RPTOR: variants seen among roughly 807,000 people sequenced by gnomAD.
RPTOR encodes the protein regulatory associated protein of MTOR complex 1.
In RPTOR, 21 loss-of-function variants were observed where a neutral mutation model predicts 169.9. That is an observed-to-expected ratio of 0.12 (90% CI 0.09 to 0.18). The LOEUF (loss-of-function observed/expected upper bound fraction) is 0.18. Ranked by LOEUF, RPTOR falls within the 10% of genes least tolerant of loss-of-function variation. The probability of loss-of-function intolerance (pLI) is 1.00; values close to 1 mark genes in which losing one functional copy is unlikely to be tolerated. For missense variants in RPTOR, 1,133 were observed against 1,855.9 expected (o/e 0.61, Z 7.16); for synonymous variants, 732 against 753.2 (o/e 0.97, Z 0.46).
At chr17:80,595,845 G>A (rs1347896403) in intron 1 of RPTOR, among the ~76,000 whole-genome samples, 1 of 152,180 alleles carries the variant, frequency 6.6e-6, no homozygotes, top group East Asian at 1.9e-4. Flanking sequence ...GTACTGCCAG[G>A]CTATTTTGAT....
intron 28 of RPTOR, among the ~76,000 whole-genome samples, chr17:80,950,731 G>T (rs1338856445): frequency 6.6e-6 from 1 of 152,132 alleles, no homozygotes; most frequent in Admixed American, 6.5e-5. Flanking sequence ...GAGACAGCTG[G>T]ATGGCCAGCC....
At chr17:80,709,004 G>C (rs974930600) in intron 4 of RPTOR, 1 of 985,594 alleles carries the variant, frequency 1.0e-6, no homozygotes, top group Non-Finnish European at 1.2e-6. Context: ...TCCCGGGTTC[G>C]CAGCTAGCAT....
At chr17:80,559,804 A>G (rs1234303030) in intron 1 of RPTOR, among the ~76,000 whole-genome samples, 3 of 152,226 alleles carry the variant, frequency 2.0e-5, no homozygotes, top group African/African-American at 7.2e-5. Context: ...AATGCACAGA[A>G]GGGAGCCTCG....
At chr17:80,885,238 A>G (rs967154248) in intron 17 of RPTOR, 90 bp downstream of exon 17, 2 of 1,415,240 alleles carry the variant, frequency 1.4e-6, no homozygotes, top group African/African-American at 2.9e-5. Context: ...TGACCACAGC[A>G]GGGAGCACTC....
intron 3 of RPTOR, among the ~76,000 whole-genome samples, chr17:80,694,269 C>T (rs1010118761): frequency 6.6e-6 from 1 of 152,244 alleles, no homozygotes; most frequent in Non-Finnish European, 1.5e-5. Flanking sequence ...CAGGTGACCT[C>T]TTCAAGCCTG....
rs3042670 is a variant in RPTOR, at chr17:80,823,641, T to TCACACA, written c.1136+451_1136+456dup. 9.5e-3 allele frequency: 1,491 copies of TCACACA among 157,068 alleles called. 22 individuals are homozygous for TCACACA. The highest frequency in any genetic ancestry group is 0.032 in the African/African-American group (1,281 of 40,580). The allele number at this position is 157,068 out of a possible 1,614,324, so 9.7% of individuals were successfully genotyped here. On this transcript the variant is annotated intron_variant, in intron 9 of 33. Coordinates refer to ENST00000306801, the MANE Select transcript of RPTOR (RefSeq NM_020761.3). The surrounding 1 kb of genome is among the most constrained non-coding windows in gnomAD (Gnocchi z 4.5). ...ATCAATTAGTTTTTATGCTTATTTC[T>TCACACA]CACACACACACACACACACACACAC...
chr17:80,606,596 T>C, intron 1 of RPTOR, among the ~76,000 whole-genome samples: 1 of 152,190 alleles, frequency 6.6e-6, no homozygotes, highest in East Asian at 1.9e-4. Context: ...TTAAGGATTT[T>C]GGGAGTGGTC....
chr17:80,868,674 G>T (rs1598364807), intron 13 of RPTOR, among the ~76,000 whole-genome samples: 2 of 152,188 alleles, frequency 1.3e-5, no homozygotes, highest in Admixed American at 1.3e-4. Flanking sequence ...GCTTGTACAT[G>T]AATGTTCCTA....
At chr17:80,887,580 ATCCTGAGCCCG>A (rs1196777318) in intron 17 of RPTOR, among the ~76,000 whole-genome samples, 1 of 152,114 alleles carries the variant, frequency 6.6e-6, no homozygotes, top group Non-Finnish European at 1.5e-5. Context: ...CTCAAGGACC[ATCCTGAGCCCG>A]TCCTGAGCCT....
At chr17:80,691,263 G>A (rs924670178) in intron 3 of RPTOR, among the ~76,000 whole-genome samples, 1 of 151,656 alleles carries the variant, frequency 6.6e-6, no homozygotes, top group Non-Finnish European at 1.5e-5. Flanking sequence ...CTAGTAAGGG[G>A]TGTGTGGGTG....
chr17:80,853,472 G>A (rs2067817353), intron 11 of RPTOR, among the ~76,000 whole-genome samples: 1 of 152,294 alleles, frequency 6.6e-6, no homozygotes, highest in South Asian at 2.1e-4. Context: ...TTTGTTTAAT[G>A]TCTGTCTCCC....
At chr17:80,719,378 G>A (rs929159075) in intron 4 of RPTOR, among the ~76,000 whole-genome samples, 3 of 152,142 alleles carry the variant, frequency 2.0e-5, no homozygotes, top group Non-Finnish European at 4.4e-5. Flanking sequence ...AAGCAGTCCT[G>A]TTCAAAATAA....
intron 3 of RPTOR, among the ~76,000 whole-genome samples, chr17:80,654,495 C>T (rs1277671763): frequency 2.0e-5 from 3 of 152,194 alleles, no homozygotes; most frequent in African/African-American, 7.2e-5. Flanking sequence ...TGGGTTGGTT[C>T]TGAGGGAGTG....
At chr17:80,685,613 ATATATATATATATATTTTTTTTTT>A (rs2065934707) in intron 3 of RPTOR, among the ~76,000 whole-genome samples, 1 of 10,586 alleles carries the variant, frequency 9.4e-5, no homozygotes, top group Non-Finnish European at 2.0e-4. Flanking sequence ...ATATATATAT[ATATATATATATATATTTTTTTTTT>A]TTTTTTTTTT....
At chr17:80,879,392 TGCCCCC>T (rs1242798489) in intron 13 of RPTOR, among the ~76,000 whole-genome samples, 1 of 48,324 alleles carries the variant, frequency 2.1e-5, no homozygotes, top group East Asian at 4.5e-4. Flanking sequence ...CCCCTGCCCC[TGCCCCC>T]GCCTGCCCTG....
rs2067723550 is a variant in RPTOR, at chr17:80,845,907, T to A, written c.1213-566T>A. Among the ~76,000 whole-genome samples, 2 of 152,176 alleles carry A rather than the reference T, an allele frequency of 1.3e-5. No individual in the cohort carries two copies. The highest frequency in any genetic ancestry group is 3.9e-4 in the East Asian group (2 of 5,180). On this transcript the variant is annotated intron_variant, in intron 10 of 33. Transcript: ENST00000306801. The surrounding 1 kb of genome is among the most constrained non-coding windows in gnomAD (Gnocchi z 5.4). ...TGGCTCTGCCCTGGACGTTGCTCCCTGGCGTCCAGACCTTTGAGCTCTGCT... is the reference window on the plus strand; with the variant it reads ...TGGCTCTGCCCTGGACGTTGCTCCCAGGCGTCCAGACCTTTGAGCTCTGCT...
chr17:80,727,200 C>G (rs956784292), intron 4 of RPTOR, among the ~76,000 whole-genome samples: 1 of 150,900 alleles, frequency 6.6e-6, no homozygotes, highest in Non-Finnish European at 1.5e-5. Flanking sequence ...GCCCCGAGAA[C>G]GTGGACACTG....
intron 16 of RPTOR, among the ~76,000 whole-genome samples, chr17:80,884,417 A>G (rs2068219421): frequency 1.3e-5 from 2 of 152,140 alleles, no homozygotes; most frequent in South Asian, 4.1e-4. Context: ...TTCATGCACC[A>G]TTGCCTTCAC....
At chr17:80,773,997 A>T in intron 6 of RPTOR, 1 of 985,454 alleles carries the variant, frequency 1.0e-6, no homozygotes, top group Non-Finnish European at 1.2e-6. Context: ...GCTGTCAGAA[A>T]GGACGAGGCT....
Sources: gnomAD v4.1 joint callset for allele counts (sites outside exome capture counted in the v4.1 genomes callset) on GRCh38, gnomAD v4.1.1 for gene constraint, Gnocchi (gnomAD v3.1) non-coding constraint, MANE v1.5 for transcripts, NCBI Gene and HGNC (gene_info 2026-07-23, HGNC 2026-07-21) for gene names.